Variants in R3HDM1 observed in about 807,000 individuals in gnomAD.
R3HDM1 encodes the protein R3H domain-containing protein 1.
R3HDM1 carries 46 observed loss-of-function variants against 141.1 expected under a neutral mutation model. The observed-to-expected ratio is 0.33, with a 90% CI of 0.26 to 0.42. The LOEUF is 0.42. R3HDM1 is among the 10% of genes least tolerant of loss of function. R3HDM1 has a pLI of 1.00. For missense variants in R3HDM1, 1,184 were observed against 1,368.3 expected, an observed-to-expected ratio of 0.87 and a Z score of 2.12; for synonymous variants, 435 against 472.9, an observed-to-expected ratio of 0.92 and a Z score of 1.04.
At chr2:135,709,234 C>T (rs1451824341) in intron 21 of R3HDM1, among the ~76,000 whole-genome samples, 199 bp from the exon 22 acceptor site, 3 of 152,066 alleles carry the variant, frequency 2.0e-5, no homozygotes, top group Non-Finnish European at 2.9e-5. Context: ...CCACCACGCC[C>T]GGCTAATTTC....
At chr2:135,650,418 C>G (rs1335575692) in intron 17 of R3HDM1, 1 of 983,826 alleles carries the variant, frequency 1.0e-6, no homozygotes, top group Non-Finnish European at 1.2e-6. Context: ...TTGTAGCTTA[C>G]AGCTACAGAG....
chr2:135,720,262 G>A (rs2076578435), intron 24 of R3HDM1, among the ~76,000 whole-genome samples: 1 of 152,090 alleles, frequency 6.6e-6, no homozygotes, highest in Non-Finnish European at 1.5e-5. Flanking sequence ...TCATGCATAT[G>A]TCCTGCCAGG....
rs944481319 is a variant in R3HDM1, at chr2:135,635,874, GTTTTTGT to G, written c.699-10_699-4del. 2 of 1,564,460 alleles carry G rather than the reference GTTTTTGT, an allele frequency of 1.3e-6. No individual in the cohort carries two copies. Among genetic ancestry groups the G allele is most frequent in the African/African-American group, 2.8e-5 (2 of 72,254 alleles). On this transcript the variant is annotated splice_polypyrimidine_tract_variant and intron_variant, in intron 9 of 26. Transcript: ENST00000683871. ...TATCTTTTCCTGTTCCTTTGTTTTT[GTTTTTGT>G]TTTTTAAGACCTGATCAGAAATTTA...
intron 24 of R3HDM1, among the ~76,000 whole-genome samples, chr2:135,720,938 A>G (rs992276134): frequency 6.6e-6 from 1 of 152,220 alleles, no homozygotes; most frequent in African/African-American, 2.4e-5. Flanking sequence ...CAGCACCTCA[A>G]ATGATTGGCA....
intron 1 of R3HDM1, chr2:135,566,966 G>A (rs1472792703): frequency 1.4e-5 from 2 of 146,580 alleles, no homozygotes; most frequent in African/African-American, 2.6e-5. Flanking sequence ...GCGGGACTCC[G>A]TCTCAGAAAA....
chr2:135,651,547 T>A lies in R3HDM1; in HGVS notation c.1726-183T>A, dbSNP rs149540379. 371 of 931,120 alleles carry A rather than the reference T, an allele frequency of 4.0e-4. 1 individual carries two copies. The African/African-American group carries it at 6.4e-3, about 16-fold the overall frequency. The allele number at this position is 931,120 out of a possible 1,614,324, so 57.7% of individuals were successfully genotyped here. A position where few individuals can be genotyped will look rare whatever the true frequency, so the allele number is the denominator to read the frequency against. On this transcript the variant is annotated intron_variant, in intron 17 of 26. Transcript: ENST00000683871. ...TTTTTAAATAATTTATAATTTATAA[T>A]ATTCAACAATAGAGTTGTCATTTTT...
At position 135,636,120 on chromosome 2, in the gene R3HDM1, C is replaced by T; in HGVS notation, c.840C>T (p.Ser280=). The T allele has an allele frequency of 6.2e-7, 1 of 1,612,776 alleles. No homozygotes were observed. The highest frequency in any genetic ancestry group is 8.5e-7 in the Non-Finnish European group (1 of 1,179,458). Residue 280 remains serine, a synonymous_variant, in exon 11 of 27, where the codon AGC becomes AGT. Transcript: ENST00000683871. ...TACGTTTGAAAGATGACAGAAGAAG[C>T]AAATCTATAGAAGAAAGAGAAGAAG... The part of the protein sequence containing the change: ...MRIRLKDDRR[S]KSIEEREEEY...
At chr2:135,635,077 C>G (rs2063123339) in intron 9 of R3HDM1, among the ~76,000 whole-genome samples, 1 of 152,158 alleles carries the variant, frequency 6.6e-6, no homozygotes, top group South Asian at 2.1e-4. Flanking sequence ...ATAATCGTTA[C>G]TTTAGGTCAC....
chr2:135,652,022 C>T lies in R3HDM1; in HGVS notation c.2018C>T (p.Pro673Leu). 6.3e-7 allele frequency: 1 copy of T among 1,592,578 alleles called. No individual in the cohort carries two copies. Among genetic ancestry groups the T allele is most frequent in the Non-Finnish European group, 8.6e-7 (1 of 1,167,996 alleles). The change falls in exon 18 of 27, where the codon CCA becomes CTA. Residue 673 changes from proline to leucine, a missense_variant. Physicochemically the swap from Pro to Leu is moderately conservative, Grantham distance 98 (BLOSUM62 -3). Coordinates refer to ENST00000683871, the MANE Select transcript of R3HDM1 (RefSeq NM_001378107.1). ...VLQQQGYIQQ[P>L]SPQMPACYCA... is the part of the protein sequence containing the mutation. The stretch of plus-strand genomic sequence containing the variant: ...CAGCAGCAGGGATATATTCAGCAGC[C>T]ATCACCACAGGTATATTGCTTTTTA...
intron 21 of R3HDM1, among the ~76,000 whole-genome samples, chr2:135,702,383 G>A (rs570769676): frequency 1.7e-4 from 26 of 152,102 alleles, no homozygotes; most frequent in Admixed American, 5.2e-4. Flanking sequence ...AAAAATGGCC[G>A]GGTGTGGTGG....
chr2:135,531,897 G>A (rs1574288851), intron 1 of R3HDM1, among the ~76,000 whole-genome samples: 2 of 152,186 alleles, frequency 1.3e-5, no homozygotes, highest in Non-Finnish European at 2.9e-5. Flanking sequence ...GGCTGCAGCT[G>A]CAGCCACTGC....
Position 135,674,758 on chromosome 2 carries a change from T to G in R3HDM1, c.2153-574T>G, listed in dbSNP as rs1055084328. 2.6e-5 allele frequency among the ~76,000 whole-genome samples: 4 copies of G among 152,170 alleles called. No homozygotes were observed. The South Asian group carries it at 8.3e-4, about 32-fold the overall frequency. ...ACAATGAAGAAATAATCTAAAAAAT[T>G]ACAGTATAACTCCATTTGCCTGTGT... On this transcript the variant is annotated intron_variant, in intron 19 of 26. Coordinates refer to ENST00000683871, the MANE Select transcript of R3HDM1 (RefSeq NM_001378107.1).
At chr2:135,704,871 C>T (rs7355359) in intron 21 of R3HDM1, among the ~76,000 whole-genome samples, 75,777 of 152,000 alleles carry the variant, frequency 0.5, 24,038 homozygotes, top group Non-Finnish European at 0.73. Flanking sequence ...AATGATCATA[C>T]TCTTACATTT....
chr2:135,563,029 G>T (rs1241591812), intron 1 of R3HDM1, among the ~76,000 whole-genome samples: 1 of 152,096 alleles, frequency 6.6e-6, no homozygotes, highest in Non-Finnish European at 1.5e-5. Flanking sequence ...AAGTTATTTG[G>T]TCATCCTCAC....
At chr2:135,695,785 C>T (rs1215414823) in intron 21 of R3HDM1, among the ~76,000 whole-genome samples, 2 of 152,158 alleles carry the variant, frequency 1.3e-5, no homozygotes, top group Non-Finnish European at 2.9e-5. Context: ...ATTTCAAACA[C>T]ACAAAAGCTG....
intron 21 of R3HDM1, among the ~76,000 whole-genome samples, chr2:135,694,606 A>G (rs1048242297): frequency 2.0e-5 from 3 of 152,206 alleles, no homozygotes; most frequent in African/African-American, 7.2e-5. Flanking sequence ...AAAAGAAGTG[A>G]GTCTTAGGAT....
At chr2:135,546,039 C>T (rs1698626611) in intron 1 of R3HDM1, among the ~76,000 whole-genome samples, 1 of 152,168 alleles carries the variant, frequency 6.6e-6, no homozygotes, top group Admixed American at 6.5e-5. Context: ...AGAGGAGATG[C>T]CTGGCTCATG....
intron 1 of R3HDM1, among the ~76,000 whole-genome samples, chr2:135,577,914 A>G (rs1402344215): frequency 1.3e-5 from 2 of 152,180 alleles, no homozygotes; most frequent in African/African-American, 4.8e-5. Context: ...AAAACTAAAA[A>G]GAATGACAGC....
chr2:135,641,841 A>G (rs2063819226), intron 15 of R3HDM1, 51 bp downstream of exon 15: 1 of 1,503,018 alleles, frequency 6.7e-7, no homozygotes, highest in African/African-American at 1.4e-5. Flanking sequence ...ATTTAAGGAT[A>G]CTTATTAAAT....
Sources: gnomAD v4.1 joint callset for allele counts (sites outside exome capture counted in the v4.1 genomes callset) on GRCh38, gnomAD v4.1.1 for gene constraint, MANE v1.5 for transcripts, NCBI Gene and HGNC (gene_info 2026-07-23, HGNC 2026-07-21) for gene names.